Variants in ABCF2 observed in about 807,000 individuals in gnomAD.
The protein encoded by ABCF2 is ATP binding cassette subfamily F member 2.
A neutral mutation model predicts 76.9 loss-of-function variants in ABCF2; 37 were observed. The observed-to-expected ratio is 0.48, with a 90% CI of 0.37 to 0.63. The LOEUF (loss-of-function observed/expected upper bound fraction) is 0.63, where lower values mean the gene tolerates loss of function less well. Ranked by LOEUF, ABCF2 falls within the 30% of genes least tolerant of loss-of-function variation. The pLI is 0.00. For synonymous variants in ABCF2, 299 were observed against 283.7 expected, an observed-to-expected ratio of 1.05 and a Z score of -0.54; for missense variants, 524 against 782.1, an observed-to-expected ratio of 0.67 and a Z score of 3.94.
chr7:151,226,535 A>T lies in ABCF2; in HGVS notation c.-42-35T>A, dbSNP rs556831638. ...GGCAAACAGATACCCCCAAACCCTA[A>T]ACTTACTAGTAAGAATGCCTGGGCC... is the stretch of plus-strand genomic sequence containing the variant. On this transcript the variant is annotated intron_variant, in intron 1 of 14. Coordinates refer to ENST00000287844, the MANE Select transcript of ABCF2 (RefSeq NM_007189.3). 1.4e-5 allele frequency: 21 copies of T among 1,468,440 alleles called. No individual in the cohort carries two copies. The South Asian group carries it at 2.5e-4, about 17-fold the overall frequency. The allele number at this position is 1,468,440 out of a possible 1,614,324, so 91.0% of individuals were successfully genotyped here.
chr7:151,214,874 C>T lies in ABCF2; in HGVS notation c.1734+5G>A. On this transcript the variant is annotated splice_donor_5th_base_variant and intron_variant, in intron 14 of 14. Coordinates refer to ENST00000287844, the MANE Select transcript of ABCF2 (RefSeq NM_007189.3). This position sits in a 1 kb window ranked among gnomAD's most constrained non-coding sequence, Gnocchi z 4.9. ...CTGTGCCTCACCCCCTGGCCAGGGC[C>T]TCACCTGCTGAATGAGTCTGAAGTC... 6.2e-7 allele frequency: 1 copy of T among 1,614,174 alleles called. No homozygotes were observed. Among genetic ancestry groups the T allele is most frequent in the Non-Finnish European group, 8.5e-7 (1 of 1,179,996 alleles).
Position 151,215,121 on chromosome 7 carries a change from C to A in ABCF2, c.1531-39G>T. The stretch of plus-strand genomic sequence containing the variant: ...TGACCTACATATAACTTGGCATTAT[C>A]CCCGCCAAACAGCACAGCTCATCTC... On this transcript the variant is annotated intron_variant, in intron 13 of 14. Transcript: ENST00000287844. This position sits in a 1 kb window ranked among gnomAD's most constrained non-coding sequence, Gnocchi z 4.6. 6.4e-7 allele frequency: 1 copy of A among 1,553,694 alleles called. No individual in the cohort carries two copies. The highest frequency in any genetic ancestry group is 8.8e-7 in the Non-Finnish European group (1 of 1,137,402).
At chr7:151,225,832 G>C (rs573288991) in intron 2 of ABCF2, among the ~76,000 whole-genome samples, 10 of 152,294 alleles carry the variant, frequency 6.6e-5, no homozygotes, top group Admixed American at 1.3e-4. Context: ...TAGCACTTGA[G>C]AAATAATAAA....
rs1243662897 is a variant in ABCF2 at position 151,215,530 on chromosome 7, G to A, written c.1530+74C>T. 4 of 1,583,488 alleles carry A rather than the reference G, an allele frequency of 2.5e-6. No individual in the cohort carries two copies. The highest frequency in any genetic ancestry group is 1.7e-6 in the Non-Finnish European group (2 of 1,162,736). ...ACAGCTTCCAAACCCAGGCTGCCAG[G>A]ACAGTATCCCCTGACCCACCCAGCC... On this transcript the variant is annotated intron_variant, in intron 13 of 14. Coordinates refer to ENST00000287844, the MANE Select transcript of ABCF2 (RefSeq NM_007189.3). This position sits in a 1 kb window ranked among gnomAD's most constrained non-coding sequence, Gnocchi z 4.6.
intron 6 of ABCF2, chr7:151,221,955 C>T (rs1802277772): frequency 2.6e-6 from 1 of 387,236 alleles, no homozygotes; most frequent in African/African-American, 2.1e-5. Flanking sequence ...GTGATAGTAA[C>T]CAGAAGTGTG....
chr7:151,224,318 T>C (rs913128586), intron 3 of ABCF2, among the ~76,000 whole-genome samples: 1 of 152,030 alleles, frequency 6.6e-6, no homozygotes, highest in Non-Finnish European at 1.5e-5. Context: ...CCACCCCTTA[T>C]CTGAAGCTTT....
At chr7:151,226,192 T>C (rs1802368791) in intron 2 of ABCF2, 113 bp downstream of exon 2, 5 of 1,239,220 alleles carry the variant, frequency 4.0e-6, no homozygotes, top group Middle Eastern at 2.0e-4. Context: ...TCATGAAAAG[T>C]TGCATGACAC....
In ABCF2 at chr7:151,224,223, T is replaced by C. The variant is rs1183898473; in HGVS notation, c.368-109A>G. ...GGGACCTCATCCATTTTTTTTTTTT[T>C]GAGGACCTTTCTTCCCTTCATTCGT... On this transcript the variant is annotated intron_variant, in intron 3 of 14. Transcript: ENST00000287844. The C allele has an allele frequency of 8.0e-6, 8 of 996,436 alleles. No homozygotes were observed. In the African/African-American group the frequency reaches 1.2e-4, roughly 15 times the overall value. 61.7% of individuals were successfully genotyped at this position (996,436 alleles called of 1,614,324 possible).
rs75657392 is a variant in ABCF2 at position 151,214,291 on chromosome 7, C to T, written c.1735-100G>A. 6 of 1,544,896 alleles carry T rather than the reference C, an allele frequency of 3.9e-6. No homozygotes were observed. Among genetic ancestry groups the T allele is most frequent in the Non-Finnish European group, 4.4e-6 (5 of 1,126,126 alleles). On this transcript the variant is annotated intron_variant, in intron 14 of 14. Transcript: ENST00000287844. This position sits in a 1 kb window ranked among gnomAD's most constrained non-coding sequence, Gnocchi z 4.9. ...GCGTCTAGGAAGAAAACTCCGCCCC[C>T]CAAACCCATATCCAACTCACTGTCT...
intron 11 of ABCF2, among the ~76,000 whole-genome samples, chr7:151,216,424 G>A (rs1330072631): frequency 6.6e-6 from 1 of 152,118 alleles, no homozygotes; most frequent in Non-Finnish European, 1.5e-5. Context: ...ACAACATATA[G>A]CAAAACTAAT....
At position 151,211,696 on chromosome 7, in the gene ABCF2, C is replaced by T. The variant is rs577104977; in HGVS notation, c.*2358G>A. On this transcript the variant is annotated 3_prime_UTR_variant, in exon 15 of 15. Coordinates refer to ENST00000287844, the MANE Select transcript of ABCF2 (RefSeq NM_007189.3). ...CTTAAGTATCAAGGGCTCTGTCCCT[C>T]ACTGTCCCCATTATCCCAGCAGCCC... 3 of 985,448 alleles carry T rather than the reference C, an allele frequency of 3.0e-6. No individual in the cohort carries two copies. The South Asian group carries it at 1.4e-4, about 46-fold the overall frequency. The allele number at this position is 985,448 out of a possible 1,614,324, so 61.0% of individuals were successfully genotyped here.
At chr7:151,220,066 T>G (rs901089216) in intron 7 of ABCF2, among the ~76,000 whole-genome samples, 6 of 151,722 alleles carry the variant, frequency 4.0e-5, no homozygotes, top group Admixed American at 2.6e-4. Flanking sequence ...GCCACTGGAC[T>G]CCAGCCTGGG....
chr7:151,221,735 A>C (rs1802272673), intron 6 of ABCF2, 55 bp from the exon 7 acceptor site: 3 of 1,310,684 alleles, frequency 2.3e-6, no homozygotes, highest in African/African-American at 2.9e-5. Flanking sequence ...GCTAGCTGAC[A>C]ACAGGTGAAC....
rs1363418534 is a variant in ABCF2 at position 151,214,316 on chromosome 7, T to C, written c.1735-125A>G. The C allele has an allele frequency of 2.9e-6, 4 of 1,376,590 alleles. No homozygotes were observed. The highest frequency in any genetic ancestry group is 4.0e-6 in the Non-Finnish European group (4 of 989,596). 85.3% of individuals were successfully genotyped at this position (1,376,590 alleles called of 1,614,324 possible). On this transcript the variant is annotated intron_variant, in intron 14 of 14. Coordinates refer to ENST00000287844, the MANE Select transcript of ABCF2 (RefSeq NM_007189.3). The surrounding 1 kb of genome is among the most constrained non-coding windows in gnomAD (Gnocchi z 4.9). ...CCAAACCCATATCCAACTCACTGTC[T>C]CACTACTTCTAAGTTATTTGGGATG...
In ABCF2 at chr7:151,213,208, T is replaced by G. The variant is rs34770061; in HGVS notation, c.*846A>C. ...ATCACCTGGAAACTTGCTAGAAATGTTAACGTTCTTGGTCTCCCCCAAAAC... is the reference window on the plus strand; with the variant it reads ...ATCACCTGGAAACTTGCTAGAAATGGTAACGTTCTTGGTCTCCCCCAAAAC... On this transcript the variant is annotated 3_prime_UTR_variant, in exon 15 of 15. Coordinates refer to ENST00000287844, the MANE Select transcript of ABCF2 (RefSeq NM_007189.3). 0.11 allele frequency: 108,892 copies of G among 982,704 alleles called. 6,302 individuals are homozygous for G. The highest frequency in any genetic ancestry group is 0.18 in the African/African-American group (10,399 of 57,252). The allele number at this position is 982,704 out of a possible 1,614,324, so 60.9% of individuals were successfully genotyped here.
chr7:151,221,500 CTTTT>C, intron 7 of ABCF2, 74 bp downstream of exon 7: 11 of 816,650 alleles, frequency 1.3e-5, no homozygotes, highest in Non-Finnish European at 1.5e-5. Flanking sequence ...CCACACCAGC[CTTTT>C]TTTTTTTTTT....
In ABCF2 at chr7:151,214,812, T is replaced by C. The variant is rs1802117917; in HGVS notation, c.1734+67A>G. 4 of 1,491,108 alleles carry C rather than the reference T, an allele frequency of 2.7e-6. No homozygotes were observed. In the South Asian group the frequency reaches 3.4e-5, roughly 13 times the overall value. 92.4% of individuals were successfully genotyped at this position (1,491,108 alleles called of 1,614,324 possible). ...AGGCGGGTATTATGCACCCTCCACA[T>C]GCCATGACTACCCTACCCAACCCCC... On this transcript the variant is annotated intron_variant, in intron 14 of 14. Transcript: ENST00000287844. This position sits in a 1 kb window ranked among gnomAD's most constrained non-coding sequence, Gnocchi z 4.9.
chr7:151,214,318 A>C lies in ABCF2; in HGVS notation c.1735-127T>G. On this transcript the variant is annotated intron_variant, in intron 14 of 14. Coordinates refer to ENST00000287844, the MANE Select transcript of ABCF2 (RefSeq NM_007189.3). The surrounding 1 kb of genome is among the most constrained non-coding windows in gnomAD (Gnocchi z 4.9). ...AAACCCATATCCAACTCACTGTCTCACTACTTCTAAGTTATTTGGGATGTT... is the reference window on the plus strand; with the variant it reads ...AAACCCATATCCAACTCACTGTCTCCCTACTTCTAAGTTATTTGGGATGTT... 1.9e-4 allele frequency: 264 copies of C among 1,369,448 alleles called. No individual in the cohort carries two copies. The highest frequency in any genetic ancestry group is 2.4e-4 in the Non-Finnish European group (239 of 984,788). The allele number at this position is 1,369,448 out of a possible 1,614,324, so 84.8% of individuals were successfully genotyped here.
At position 151,213,234 on chromosome 7, in the gene ABCF2, C is replaced by G. The variant is rs1311947601; in HGVS notation, c.*820G>C. 1.0e-6 allele frequency: 1 copy of G among 978,972 alleles called. No homozygotes were observed. The highest frequency in any genetic ancestry group is 1.2e-6 in the Non-Finnish European group (1 of 824,240). 60.6% of individuals were successfully genotyped at this position (978,972 alleles called of 1,614,324 possible). A position where few individuals can be genotyped will look rare whatever the true frequency, so the allele number is the denominator to read the frequency against. Reference sequence around the variant, plus strand: ...TAACGTTCTTGGTCTCCCCCAAAACCTATTGAACCAGAAACGCTGAGGCGA... The same window carrying G: ...TAACGTTCTTGGTCTCCCCCAAAACGTATTGAACCAGAAACGCTGAGGCGA... On this transcript the variant is annotated 3_prime_UTR_variant, in exon 15 of 15. Coordinates refer to ENST00000287844, the MANE Select transcript of ABCF2 (RefSeq NM_007189.3).
Sources: allele counts gnomAD v4.1 joint callset (sites outside exome capture counted in the v4.1 genomes callset), GRCh38; gene constraint gnomAD v4.1.1; non-coding constraint Gnocchi (gnomAD v3.1); transcripts MANE v1.5; gene names NCBI Gene and HGNC (gene_info 2026-07-23, HGNC 2026-07-21).